The following PLEKHA6 variants were observed in gnomAD, a reference collection of about 807,000 sequenced individuals.
PLEKHA6 encodes the protein pleckstrin homology domain containing A6, also known as pleckstrin homology domain-containing family A member 6.
Under a neutral mutation model 116.7 loss-of-function variants are expected in PLEKHA6, and 60 were observed. The observed-to-expected ratio is 0.51, with a 90% CI of 0.42 to 0.64. PLEKHA6 has a LOEUF of 0.64. Among genes scored for constraint, PLEKHA6 ranks in the 30% least tolerant of loss-of-function variants. The pLI is 0.00. For synonymous variants in PLEKHA6, 489 were observed against 556.1 expected, an observed-to-expected ratio of 0.88 and a Z score of 1.70; for missense variants, 1,338 against 1,422.7, an observed-to-expected ratio of 0.94 and a Z score of 0.96.
chr1:204,250,579 G>C lies in PLEKHA6; in HGVS notation c.1560C>G (p.Leu520=), dbSNP rs763998278. Residue 520 remains leucine (L), a synonymous_variant, in exon 10 of 23, where the codon CTC becomes CTG. Coordinates refer to ENST00000272203, the MANE Select transcript of PLEKHA6 (RefSeq NM_014935.5). ...PPYPEVFRDS[L]HTYKLNEQDT... ...CTTGCTCGTTTAACTTGTAGGTGTG[G>C]AGGCTGTCCCGGAACACTTCTGGGT... 6.2e-7 allele frequency: 1 copy of C among 1,613,130 alleles called. No individual in the cohort carries two copies. Among genetic ancestry groups the C allele is most frequent in the Non-Finnish European group, 8.5e-7 (1 of 1,179,686 alleles).
chr1:204,291,910 C>T (rs1387486075), intron 1 of PLEKHA6, among the ~76,000 whole-genome samples: 2 of 152,100 alleles, frequency 1.3e-5, no homozygotes, highest in Non-Finnish European at 2.9e-5. Context: ...TTATCATATA[C>T]CTCAATAAAT....
chr1:204,307,668 C>T (rs538582763), intron 1 of PLEKHA6, among the ~76,000 whole-genome samples: 1 of 152,214 alleles, frequency 6.6e-6, no homozygotes, highest in Non-Finnish European at 1.5e-5. Context: ...GCTTACCCGC[C>T]CTCGCGTTCC....
intron 1 of PLEKHA6, among the ~76,000 whole-genome samples, chr1:204,293,014 C>T (rs971887668): frequency 1.3e-5 from 2 of 152,276 alleles, no homozygotes; most frequent in South Asian, 2.1e-4. Context: ...TGGCATGGAG[C>T]CCCACCTCTC....
At position 204,259,172 on chromosome 1, in the gene PLEKHA6, G is replaced by A. The variant is rs1665760320; in HGVS notation, c.1007+86C>T. On this transcript the variant is annotated intron_variant, in intron 8 of 22. Coordinates refer to ENST00000272203, the MANE Select transcript of PLEKHA6 (RefSeq NM_014935.5). The surrounding 1 kb of genome is among the most constrained non-coding windows in gnomAD (Gnocchi z 4.6). ...GCCTGCTTCCAGAAGGTTTCCAACA[G>A]GGGATGCCTCGTGGGCTATGACCCC... 6 of 1,449,062 alleles carry A rather than the reference G, an allele frequency of 4.1e-6. No individual in the cohort carries two copies. In the South Asian group the frequency reaches 5.3e-5, roughly 13 times the overall value. The allele number at this position is 1,449,062 out of a possible 1,614,324, so 89.8% of individuals were successfully genotyped here. A position where few individuals can be genotyped will look rare whatever the true frequency, so the allele number is the denominator to read the frequency against.
intron 1 of PLEKHA6, among the ~76,000 whole-genome samples, chr1:204,319,299 G>A (rs1289898574): frequency 1.3e-5 from 2 of 152,270 alleles, no homozygotes; most frequent in African/African-American, 2.4e-5. Flanking sequence ...CCAAAATTCC[G>A]TGTCCTATTC....
At chr1:204,227,486 C>T (rs1413097536) in intron 21 of PLEKHA6, among the ~76,000 whole-genome samples, 2 of 152,114 alleles carry the variant, frequency 1.3e-5, no homozygotes, top group African/African-American at 4.8e-5. Flanking sequence ...TGATCTCAGC[C>T]CTATCAGCAT....
chr1:204,275,572 G>T (rs1667914673), intron 1 of PLEKHA6: 1 of 326,182 alleles, frequency 3.1e-6, no homozygotes, highest in Non-Finnish European at 4.4e-6. Flanking sequence ...GGCAGATGGG[G>T]AGCAGCATCG....
chr1:204,341,851 C>G (rs1672856708), intron 1 of PLEKHA6, among the ~76,000 whole-genome samples: 1 of 152,160 alleles, frequency 6.6e-6, no homozygotes, highest in Admixed American at 6.5e-5. Context: ...GAGTATGTTA[C>G]TAATAAAATG....
chr1:204,347,221 C>T lies in PLEKHA6; in HGVS notation c.-95+12473G>A, dbSNP rs1185132795. 1.8e-5 allele frequency: 20 copies of T among 1,120,726 alleles called. No homozygotes were observed. In the East Asian group the frequency reaches 3.7e-4, roughly 21 times the overall value. 69.4% of individuals were successfully genotyped at this position (1,120,726 alleles called of 1,614,324 possible). A position where few individuals can be genotyped will look rare whatever the true frequency, so the allele number is the denominator to read the frequency against. On this transcript the variant is annotated intron_variant, in intron 1 of 22. Transcript: ENST00000272203. Reference sequence around the variant, plus strand: ...TTTTCTAAAAGGCCTAGAGAACATACATCGGGTGCCTCTCCTCTTTCCCTT... The same window carrying T: ...TTTTCTAAAAGGCCTAGAGAACATATATCGGGTGCCTCTCCTCTTTCCCTT...
intron 17 of PLEKHA6, among the ~76,000 whole-genome samples, chr1:204,236,655 G>A (rs1204149114): frequency 1.3e-5 from 2 of 152,144 alleles, no homozygotes; most frequent in Non-Finnish European, 2.9e-5. Flanking sequence ...GTACAGCAGA[G>A]GCAAAATGGC....
At chr1:204,301,265 C>T (rs1455238578) in intron 1 of PLEKHA6, 53 of 982,116 alleles carry the variant, frequency 5.4e-5, no homozygotes, top group Non-Finnish European at 6.2e-5. Context: ...ATGCTGACAG[C>T]GAGTCAAAGC....
At chr1:204,356,509 G>T (rs1168764358) in intron 1 of PLEKHA6, among the ~76,000 whole-genome samples, 3 of 152,068 alleles carry the variant, frequency 2.0e-5, no homozygotes, top group African/African-American at 7.3e-5. Flanking sequence ...TGAGACTGCA[G>T]TGAGCAGAGA....
At chr1:204,345,159 C>T (rs1245683055) in intron 1 of PLEKHA6, among the ~76,000 whole-genome samples, 4 of 152,194 alleles carry the variant, frequency 2.6e-5, no homozygotes, top group African/African-American at 9.7e-5. Flanking sequence ...AAAAATATAA[C>T]TTAATAAGTA....
rs577335001 is a variant in PLEKHA6, at chr1:204,346,985, G to A, written c.-95+12709C>T. On this transcript the variant is annotated intron_variant, in intron 1 of 22. Transcript: ENST00000272203. ...TTAGAGTGCTTAATGTGCTCAATAC[G>A]CACATTAATTCTCTTGGCAAGAATC... 3.1e-5 allele frequency: 39 copies of A among 1,268,454 alleles called. No homozygotes were observed. The Admixed American group carries it at 5.1e-4, about 16-fold the overall frequency. 78.6% of individuals were successfully genotyped at this position (1,268,454 alleles called of 1,614,324 possible). A position where few individuals can be genotyped will look rare whatever the true frequency, so the allele number is the denominator to read the frequency against.
chr1:204,353,522 T>C (rs901610287), intron 1 of PLEKHA6, among the ~76,000 whole-genome samples: 2 of 152,200 alleles, frequency 1.3e-5, no homozygotes, highest in African/African-American at 2.4e-5. Flanking sequence ...GAGAAGTGAC[T>C]GAGAAGGTCA....
At chr1:204,314,755 C>T (rs1017311094) in intron 1 of PLEKHA6, among the ~76,000 whole-genome samples, 11 of 152,224 alleles carry the variant, frequency 7.2e-5, no homozygotes, top group African/African-American at 2.7e-4. Context: ...CATCTCTTAC[C>T]TCCACAATGG....
At chr1:204,251,705 G>A in intron 9 of PLEKHA6, 2 of 650,716 alleles carry the variant, frequency 3.1e-6, no homozygotes, top group Non-Finnish European at 5.6e-6. Context: ...GGAAACAGGG[G>A]AGGGCAGCTC....
chr1:204,313,394 C>T (rs1671737210), intron 1 of PLEKHA6: 1 of 173,374 alleles, frequency 5.8e-6, no homozygotes, highest in Non-Finnish European at 1.1e-5. Context: ...TCCTCCACTC[C>T]AGGATGCCTA....
At position 204,256,935 on chromosome 1, in the gene PLEKHA6, G is replaced by A. The variant is rs148876126; in HGVS notation, c.1524+418C>T. 884 of 591,084 alleles carry A rather than the reference G, an allele frequency of 1.5e-3. 10 individuals are homozygous for A. The East Asian group carries it at 0.023, about 15-fold the overall frequency. The allele number at this position is 591,084 out of a possible 1,614,324, so 36.6% of individuals were successfully genotyped here. ...GAGGTGAGGGGTCTGGCTGGGACACGGAGTTCCCCAACAGCTGAAGCTCAA... is the reference window on the plus strand; with the variant it reads ...GAGGTGAGGGGTCTGGCTGGGACACAGAGTTCCCCAACAGCTGAAGCTCAA... On this transcript the variant is annotated intron_variant, in intron 9 of 22. Coordinates refer to ENST00000272203, the MANE Select transcript of PLEKHA6 (RefSeq NM_014935.5).
Sources: gnomAD v4.1 joint callset for allele counts (sites outside exome capture counted in the v4.1 genomes callset) on GRCh38, gnomAD v4.1.1 for gene constraint, Gnocchi (gnomAD v3.1) non-coding constraint, MANE v1.5 for transcripts, NCBI Gene and HGNC (gene_info 2026-07-23, HGNC 2026-07-21) for gene names.